ERC2: variants seen among roughly 807,000 people sequenced by gnomAD.
ERC2 encodes ELKS/RAB6-interacting/CAST family member 2.
In ERC2, 42 loss-of-function variants were observed where a neutral mutation model predicts 114.8. That is an observed-to-expected ratio of 0.37 (90% confidence interval 0.29 to 0.47). The LOEUF is 0.47. Among genes scored for constraint, ERC2 ranks in the 20% least tolerant of loss-of-function variants. The pLI, the probability that ERC2 is intolerant of heterozygous loss-of-function variation, is 0.99. For synonymous variants in ERC2, 454 were observed against 425.5 expected (o/e 1.07, Z -0.82); for missense variants, 939 against 1,150.7 (o/e 0.82, Z 2.66).
chr3:56,054,217 C>G (rs2075902586), intron 7 of ERC2, among the ~76,000 whole-genome samples: 2 of 152,200 alleles, frequency 1.3e-5, no homozygotes, highest in Middle Eastern at 3.2e-3. Context: ...TAGGAAATGT[C>G]AGGCAGTGCT....
chr3:56,102,403 C>A lies in ERC2; in HGVS notation c.1474-21419G>T, dbSNP rs183536515. On this transcript the variant is annotated intron_variant, in intron 6 of 17. Coordinates refer to ENST00000288221, the MANE Select transcript of ERC2 (RefSeq NM_015576.3). ...CATTCCTGGCAACTTATTTTGATAT[C>A]TTTAAGAAAAAAACAAAACCAAAAA... Among the ~76,000 whole-genome samples the A allele has an allele frequency of 5.9e-5, 9 of 152,244 alleles. 1 individual carries two copies. Among genetic ancestry groups the A allele is most frequent in the Admixed American group, 5.9e-4 (9 of 15,294 alleles).
intron 4 of ERC2, among the ~76,000 whole-genome samples, chr3:56,163,304 G>C (rs188327482): frequency 3.9e-5 from 6 of 152,204 alleles, no homozygotes; most frequent in African/African-American, 1.4e-4. Context: ...TGATCTTGGA[G>C]TATGTTCCAC....
intron 8 of ERC2, 65 bp downstream of exon 8, chr3:56,018,829 G>A: frequency 6.4e-7 from 1 of 1,551,106 alleles, no homozygotes; most frequent in Non-Finnish European, 8.8e-7. Context: ...AAATGCATTG[G>A]GATCAACTTT....
rs569162886 is a variant in ERC2 at position 56,215,066 on chromosome 3, A to C, written c.1075-41546T>G. Among the ~76,000 whole-genome samples, 365 of 152,338 alleles carry C rather than the reference A, an allele frequency of 2.4e-3. 1 individual carries two copies. Among genetic ancestry groups the C allele is most frequent in the African/African-American group, 8.5e-3 (352 of 41,580 alleles). On this transcript the variant is annotated intron_variant, in intron 3 of 17. Coordinates refer to ENST00000288221, the MANE Select transcript of ERC2 (RefSeq NM_015576.3). The stretch of plus-strand genomic sequence containing the variant: ...CCAAATTGTAAAGACCATCGAGGCT[A>C]GGAAGAAACTGCATCAACTAACGAG...
chr3:55,834,981 AAT>A (rs2060804054), intron 14 of ERC2, among the ~76,000 whole-genome samples: 2 of 151,354 alleles, frequency 1.3e-5, no homozygotes, highest in African/African-American at 4.9e-5. Context: ...CCTCTACGCA[AAT>A]AAACTAGAAA....
At chr3:56,020,946 G>C (rs2073674355) in intron 7 of ERC2, among the ~76,000 whole-genome samples, 2 of 152,166 alleles carry the variant, frequency 1.3e-5, no homozygotes, top group Admixed American at 1.3e-4. Flanking sequence ...CATGCAGGTA[G>C]GGGTCAAGAG....
intron 2 of ERC2, among the ~76,000 whole-genome samples, chr3:56,346,998 T>C (rs2058336612): frequency 6.6e-6 from 1 of 152,194 alleles, no homozygotes; most frequent in African/African-American, 2.4e-5. Context: ...ACTGTTGCAC[T>C]GGGGATTAAG....
chr3:55,970,638 G>A (rs1416660931), intron 12 of ERC2, among the ~76,000 whole-genome samples: 2 of 152,034 alleles, frequency 1.3e-5, no homozygotes, highest in Non-Finnish European at 2.9e-5. Context: ...ACCACAATGA[G>A]ATACCACTTC....
intron 17 of ERC2, among the ~76,000 whole-genome samples, chr3:55,598,261 C>A (rs374305711): frequency 6.6e-6 from 1 of 152,154 alleles, no homozygotes; most frequent in Admixed American, 6.5e-5. Flanking sequence ...ACTGCATTGT[C>A]CAATTAAAGA....
Position 55,986,000 on chromosome 3 carries a change from A to T in ERC2, c.2256-12T>A. 6.5e-7 allele frequency: 1 copy of T among 1,539,914 alleles called. No individual in the cohort carries two copies. Among genetic ancestry groups the T allele is most frequent in the Non-Finnish European group, 8.7e-7 (1 of 1,148,272 alleles). On this transcript the variant is annotated splice_polypyrimidine_tract_variant and intron_variant, in intron 11 of 17. Transcript: ENST00000288221. Reference sequence around the variant, plus strand: ...ACCTGAGAGTCAAGCTGATTGGAGCAAGGGTGAAAGCAGCAATTTGGAGGA... The same window carrying T: ...ACCTGAGAGTCAAGCTGATTGGAGCTAGGGTGAAAGCAGCAATTTGGAGGA...
At chr3:56,065,374 T>G (rs1252757858) in intron 7 of ERC2, among the ~76,000 whole-genome samples, 1 of 151,838 alleles carries the variant, frequency 6.6e-6, no homozygotes, top group African/African-American at 2.4e-5. Context: ...AGGCACGCAC[T>G]ACCATGCCCA....
intron 2 of ERC2, among the ~76,000 whole-genome samples, chr3:56,311,399 A>T (rs2056570100): frequency 6.7e-6 from 1 of 149,054 alleles, no homozygotes. Context: ...TCCCAGGTTC[A>T]GCCATTCTCC....
At chr3:56,182,925 A>C (rs1489820579) in intron 3 of ERC2, among the ~76,000 whole-genome samples, 2 of 152,228 alleles carry the variant, frequency 1.3e-5, no homozygotes, top group Non-Finnish European at 2.9e-5. Context: ...AAAACTTAAA[A>C]GGCAAACATG....
intron 17 of ERC2, among the ~76,000 whole-genome samples, chr3:55,515,147 G>A (rs1484123164): frequency 6.6e-6 from 1 of 152,168 alleles, no homozygotes; most frequent in Non-Finnish European, 1.5e-5. Context: ...TTAAGTGACT[G>A]ATGACAATTA....
intron 2 of ERC2, among the ~76,000 whole-genome samples, chr3:56,350,356 G>A (rs1187289368): frequency 6.6e-6 from 1 of 152,204 alleles, no homozygotes; most frequent in Non-Finnish European, 1.5e-5. Context: ...CCTCTGCAGA[G>A]TTCACACGGT....
In ERC2 at chr3:55,888,402, T is replaced by C. The variant is rs375589326; in HGVS notation, c.2551A>G (p.Ile851Val). ...RIERRKQLEEILEMKQEALLA... is the reference protein window; with the variant it reads ...RIERRKQLEEVLEMKQEALLA... Reference sequence around the variant, plus strand: ...ATGGGTACTCACTTCATCTCCAGGATCTCCTCCAGCTGTTTCCTCCTCTCA... The same window carrying C: ...ATGGGTACTCACTTCATCTCCAGGACCTCCTCCAGCTGTTTCCTCCTCTCA... The change falls in exon 14 of 18, where the codon ATC becomes GTC. Residue 851 changes from isoleucine to valine, a missense_variant. By Grantham distance (29) the Ile-to-Val change is conservative. Around this residue, in one of 5 missense-constraint regions of ERC2, gnomAD observed 328 missense variants for 353.9 expected, o/e 0.93. Transcript: ENST00000288221. The C allele has an allele frequency of 1.1e-5, 18 of 1,613,682 alleles. No homozygotes were observed. In the African/African-American group the frequency reaches 2.4e-4, roughly 22 times the overall value.
chr3:56,155,698 T>C (rs1575613191), intron 4 of ERC2, among the ~76,000 whole-genome samples: 1 of 151,904 alleles, frequency 6.6e-6, no homozygotes, highest in African/African-American at 2.4e-5. Flanking sequence ...TAACGTGGGG[T>C]TTGGAGATGA....
intron 3 of ERC2, among the ~76,000 whole-genome samples, chr3:56,264,926 C>G (rs1234992801): frequency 6.6e-6 from 1 of 150,856 alleles, no homozygotes; most frequent in African/African-American, 2.4e-5. Context: ...TACACTGAAA[C>G]TATAACACAT....
chr3:55,513,882 GC>G (rs947259941), intron 17 of ERC2, among the ~76,000 whole-genome samples: 3 of 152,008 alleles, frequency 2.0e-5, no homozygotes, highest in Admixed American at 1.3e-4. Context: ...TGATCCACCT[GC>G]CTCAGGCTCC....
Sources: gnomAD v4.1 joint callset for allele counts (sites outside exome capture counted in the v4.1 genomes callset) on GRCh38, gnomAD v4.1.1 for gene constraint, gnomAD v4.1.1 regional missense constraint, MANE v1.5 for transcripts, NCBI Gene and HGNC (gene_info 2026-07-23, HGNC 2026-07-21) for gene names.